The following AGAP1 variants were observed in gnomAD, a reference collection of about 807,000 sequenced individuals.
AGAP1 encodes the protein ArfGAP with GTPase domain, ankyrin repeat and PH domain 1, also known as arf-GAP with GTPase, ANK repeat and PH domain-containing protein 1.
Under a neutral mutation model 105.3 loss-of-function variants are expected in AGAP1, and 29 were observed. The observed-to-expected ratio is 0.28, with a 90% CI of 0.21 to 0.38. The LOEUF (loss-of-function observed/expected upper bound fraction) is 0.38, where lower values mean the gene tolerates loss of function less well. Ranked by LOEUF, AGAP1 falls within the 10% of genes least tolerant of loss-of-function variation. The pLI is 1.00. For synonymous variants in AGAP1, 509 were observed against 485.9 expected, an observed-to-expected ratio of 1.05 and a Z score of -0.63; for missense variants, 998 against 1,165.1, an observed-to-expected ratio of 0.86 and a Z score of 2.09.
intron 1 of AGAP1, among the ~76,000 whole-genome samples, chr2:235,708,468 G>A (rs10186625): frequency 0.18 from 27,975 of 152,102 alleles, 2,906 homozygotes; most frequent in East Asian, 0.41. Flanking sequence ...AGTCAGGGGA[G>A]GCGGGGGAGA....
rs1051331125 is a variant in AGAP1, at chr2:236,050,068, G to A, written c.2114+787G>A. Among the ~76,000 whole-genome samples, 1 of 152,198 alleles carries A rather than the reference G, an allele frequency of 6.6e-6. No homozygotes were observed. The highest frequency in any genetic ancestry group is 2.4e-5 in the African/African-American group (1 of 41,432). On this transcript the variant is annotated intron_variant, in intron 16 of 17. Transcript: ENST00000304032. The surrounding 1 kb of genome is among the most constrained non-coding windows in gnomAD (Gnocchi z 4.0). ...TGGGAGGTTGAGGTTTGCTGTCCGTGTTTGCCTCTCAGGTGTCTGAAGAGA... is the reference window on the plus strand; with the variant it reads ...TGGGAGGTTGAGGTTTGCTGTCCGTATTTGCCTCTCAGGTGTCTGAAGAGA...
chr2:235,627,192 GTTTTTTTTTTTT>G (rs36086999), intron 1 of AGAP1, among the ~76,000 whole-genome samples: 1 of 95,556 alleles, frequency 1.0e-5, no homozygotes, highest in Admixed American at 1.3e-4. Flanking sequence ...CTGTTTTGAG[GTTTTTTTTTTTT>G]TTTTTTTTTT....
At chr2:236,019,483 T>G (rs2056817468) in intron 13 of AGAP1, among the ~76,000 whole-genome samples, 1 of 152,220 alleles carries the variant, frequency 6.6e-6, no homozygotes, top group African/African-American at 2.4e-5. Flanking sequence ...CTGAGAAATT[T>G]CCAACATCCT....
intron 1 of AGAP1, among the ~76,000 whole-genome samples, chr2:235,646,270 CAA>C (rs3056061): frequency 2.1e-4 from 24 of 112,930 alleles, no homozygotes; most frequent in African/African-American, 1.4e-4. Flanking sequence ...ACTCTGTCTC[CAA>C]AAAAAAAAAA....
rs565638041 is a variant in AGAP1 at position 235,655,542 on chromosome 2, C to T, written c.164-53637C>T. Among the ~76,000 whole-genome samples the T allele has an allele frequency of 6.6e-6, 1 of 152,290 alleles. No individual in the cohort carries two copies. The highest frequency in any genetic ancestry group is 2.1e-4 in the South Asian group (1 of 4,820). ...TGTATTTCACCAGTATAATACTCCC[C>T]ACTCCTAGTTGGGAATATCTAACCT... is the stretch of plus-strand genomic sequence containing the variant. On this transcript the variant is annotated intron_variant, in intron 1 of 17. Transcript: ENST00000304032. The surrounding 1 kb of genome is among the most constrained non-coding windows in gnomAD (Gnocchi z 4.3).
At chr2:236,100,034 C>T (rs569014611) in intron 16 of AGAP1, among the ~76,000 whole-genome samples, 1 of 152,112 alleles carries the variant, frequency 6.6e-6, no homozygotes, top group African/African-American at 2.4e-5. Flanking sequence ...AGCAAGACTC[C>T]ATCTCAAAAA....
Position 235,960,940 on chromosome 2 carries a change from A to G in AGAP1, c.1484-7522A>G, listed in dbSNP as rs544261942. On this transcript the variant is annotated intron_variant, in intron 12 of 17. Coordinates refer to ENST00000304032, the MANE Select transcript of AGAP1 (RefSeq NM_001037131.3). The surrounding 1 kb of genome is among the most constrained non-coding windows in gnomAD (Gnocchi z 4.9). ...TAAAACTAAGTCGCGAAATTGATAC[A>G]CTGCTGTGTGATACACCAGAAAGTG... Among the ~76,000 whole-genome samples the G allele has an allele frequency of 6.7e-4, 102 of 152,302 alleles. No homozygotes were observed. The Middle Eastern group carries it at 0.014, about 20-fold the overall frequency.
chr2:235,955,184 C>T (rs1002426240), intron 12 of AGAP1, among the ~76,000 whole-genome samples: 1 of 152,162 alleles, frequency 6.6e-6, no homozygotes, highest in Non-Finnish European at 1.5e-5. Flanking sequence ...GCTGGAGCTG[C>T]CTTCGAGTCT....
At chr2:236,029,942 T>C (rs2057175688) in intron 13 of AGAP1, among the ~76,000 whole-genome samples, 1 of 152,100 alleles carries the variant, frequency 6.6e-6, no homozygotes, top group Admixed American at 6.5e-5. Flanking sequence ...TCTCACTGTG[T>C]TGCCCAGACC....
At position 235,613,707 on chromosome 2, in the gene AGAP1, A is replaced by G. The variant is rs139446366; in HGVS notation, c.164-95472A>G. Reference sequence around the variant, plus strand: ...AGAACCACTTTATTGCTATTATTCCAGGTGATCTACTGATAAATTAAAAGA... The same window carrying G: ...AGAACCACTTTATTGCTATTATTCCGGGTGATCTACTGATAAATTAAAAGA... On this transcript the variant is annotated intron_variant, in intron 1 of 17. Transcript: ENST00000304032. 2.0e-5 allele frequency among the ~76,000 whole-genome samples: 3 copies of G among 152,376 alleles called. No individual in the cohort carries two copies. In the East Asian group the frequency reaches 5.8e-4, roughly 29 times the overall value.
Position 235,625,232 on chromosome 2 carries a change from C to T in AGAP1, c.164-83947C>T, listed in dbSNP as rs530260988. ...TCTCTGACTCCAGCAGTCCCCTCTG[C>T]ACATGCCTGAACTGCTTCAGGGCAC... is the stretch of plus-strand genomic sequence containing the variant. On this transcript the variant is annotated intron_variant, in intron 1 of 17. Transcript: ENST00000304032. The surrounding 1 kb of genome is among the most constrained non-coding windows in gnomAD (Gnocchi z 4.0). 6.6e-6 allele frequency among the ~76,000 whole-genome samples: 1 copy of T among 152,176 alleles called. No individual in the cohort carries two copies. Among genetic ancestry groups the T allele is most frequent in the Non-Finnish European group, 1.5e-5 (1 of 68,038 alleles).
At chr2:235,580,377 G>T (rs1359721333) in intron 1 of AGAP1, among the ~76,000 whole-genome samples, 2 of 151,260 alleles carry the variant, frequency 1.3e-5, no homozygotes, top group Non-Finnish European at 2.9e-5. Flanking sequence ...CTTACATTTT[G>T]TCGGGTTGAT....
chr2:235,661,409 C>T (rs1035278251), intron 1 of AGAP1, among the ~76,000 whole-genome samples: 7 of 150,368 alleles, frequency 4.7e-5, no homozygotes, highest in African/African-American at 9.8e-5. Flanking sequence ...TGGGTGTGGG[C>T]GGGAGGCAGG....
At chr2:235,832,275 G>A (rs1236623086) in intron 9 of AGAP1, among the ~76,000 whole-genome samples, 1 of 151,958 alleles carries the variant, frequency 6.6e-6, no homozygotes, top group African/African-American at 2.4e-5. Flanking sequence ...TCGTTTTCTT[G>A]ATCTTTCTTC....
chr2:235,563,241 C>A (rs1223809984), intron 1 of AGAP1, among the ~76,000 whole-genome samples: 1 of 152,128 alleles, frequency 6.6e-6, no homozygotes, highest in Non-Finnish European at 1.5e-5. Flanking sequence ...CTGCCCTGGC[C>A]CACTCGGCGT....
chr2:235,712,084 G>A lies in AGAP1; in HGVS notation c.222+2847G>A, dbSNP rs917837065. ...CTGTCACCCAGGCTGGAGTGCAGTGGCGCCATCTCGGCTCACTGCAACCTG... is the reference window on the plus strand; with the variant it reads ...CTGTCACCCAGGCTGGAGTGCAGTGACGCCATCTCGGCTCACTGCAACCTG... On this transcript the variant is annotated intron_variant, in intron 2 of 17. Coordinates refer to ENST00000304032, the MANE Select transcript of AGAP1 (RefSeq NM_001037131.3). This position sits in a 1 kb window ranked among gnomAD's most constrained non-coding sequence, Gnocchi z 6.0. 1.6e-4 allele frequency among the ~76,000 whole-genome samples: 25 copies of A among 151,972 alleles called. No homozygotes were observed. Among genetic ancestry groups the A allele is most frequent in the Admixed American group, 1.1e-3 (17 of 15,258 alleles).
In AGAP1 at chr2:236,124,864, C is replaced by G. The variant is rs981237059; in HGVS notation, c.*742C>G. ...TATCCCAGACATGTTCTTTCAAGCC[C>G]TTGGAGCCCTCTCTAAATTCACTGT... is the stretch of plus-strand genomic sequence containing the variant. On this transcript the variant is annotated 3_prime_UTR_variant, in exon 18 of 18. Coordinates refer to ENST00000304032, the MANE Select transcript of AGAP1 (RefSeq NM_001037131.3). The surrounding 1 kb of genome is among the most constrained non-coding windows in gnomAD (Gnocchi z 5.1). 6.5e-6 allele frequency: 1 copy of G among 153,490 alleles called. No homozygotes were observed. The highest frequency in any genetic ancestry group is 2.4e-5 in the African/African-American group (1 of 41,454). 9.5% of individuals were successfully genotyped at this position (153,490 alleles called of 1,614,324 possible).
chr2:235,852,313 G>A (rs1414510699), intron 9 of AGAP1, among the ~76,000 whole-genome samples: 2 of 152,176 alleles, frequency 1.3e-5, no homozygotes, highest in East Asian at 3.9e-4. Context: ...AATGCCTATT[G>A]TCTGCGTCTG....
Position 235,843,646 on chromosome 2 carries a change from T to C in AGAP1, c.1050+36315T>C, listed in dbSNP as rs1427681590. 6.6e-6 allele frequency among the ~76,000 whole-genome samples: 1 copy of C among 152,086 alleles called. No homozygotes were observed. The highest frequency in any genetic ancestry group is 1.5e-5 in the Non-Finnish European group (1 of 68,016). ...TGGTCTTTCTGCACCTGGGCTCCCC[T>C]CCGCCCTGCATCTGAGATCTCTGTT... On this transcript the variant is annotated intron_variant, in intron 9 of 17. Transcript: ENST00000304032. This position sits in a 1 kb window ranked among gnomAD's most constrained non-coding sequence, Gnocchi z 5.9.
Sources: allele counts gnomAD v4.1 joint callset (sites outside exome capture counted in the v4.1 genomes callset), GRCh38; gene constraint gnomAD v4.1.1; non-coding constraint Gnocchi (gnomAD v3.1); transcripts MANE v1.5; gene names NCBI Gene and HGNC (gene_info 2026-07-23, HGNC 2026-07-21).